Variants in ZC3H18 observed in about 807,000 individuals in gnomAD.
ZC3H18 encodes zinc finger CCCH-type containing 18, also known as zinc finger CCCH domain-containing protein 18.
ZC3H18 carries 8 observed loss-of-function variants against 106.1 expected under a neutral mutation model. The observed-to-expected ratio is 0.08, with a 90% CI of 0.04 to 0.14. The LOEUF (loss-of-function observed/expected upper bound fraction) is 0.14, where lower values mean the gene tolerates loss of function less well. ZC3H18 is among the 10% of genes least tolerant of loss of function. The pLI, the probability that ZC3H18 is intolerant of heterozygous loss-of-function variation, is 1.00. For synonymous variants in ZC3H18, 635 were observed against 522.1 expected, an observed-to-expected ratio of 1.22 and a Z score of -2.95; for missense variants, 1,318 against 1,278.4, an observed-to-expected ratio of 1.03 and a Z score of -0.47.
At chr16:88,609,594 G>A (rs902202125) in intron 7 of ZC3H18, among the ~76,000 whole-genome samples, 2 of 151,774 alleles carry the variant, frequency 1.3e-5, no homozygotes, top group Admixed American at 6.6e-5. Flanking sequence ...GAGCCACTGC[G>A]CCCGGCCTGG....
chr16:88,587,672 C>G (rs760554725), intron 3 of ZC3H18: 48 of 1,436,760 alleles, frequency 3.3e-5, no homozygotes, highest in Middle Eastern at 3.4e-4. Flanking sequence ...ACTCCAGAGG[C>G]CAGACTTCCT....
intron 8 of ZC3H18, among the ~76,000 whole-genome samples, chr16:88,616,076 ACT>A (rs1905583108): frequency 6.6e-6 from 1 of 152,034 alleles, no homozygotes; most frequent in South Asian, 2.1e-4. Context: ...GGAGAGGGTA[ACT>A]CTGCCAGCAT....
At chr16:88,619,868 A>G (rs1905853861) in intron 8 of ZC3H18, among the ~76,000 whole-genome samples, 2 of 152,182 alleles carry the variant, frequency 1.3e-5, no homozygotes, top group African/African-American at 4.8e-5. Flanking sequence ...TTGGGGTGTT[A>G]GGATGAGAGT....
chr16:88,613,711 T>C (rs1388662485), intron 8 of ZC3H18, among the ~76,000 whole-genome samples: 1 of 152,262 alleles, frequency 6.6e-6, no homozygotes, highest in East Asian at 1.9e-4. Context: ...AAGAGTCCTT[T>C]ATGTATTCCA....
chr16:88,624,553 G>T, intron 11 of ZC3H18, 49 bp from the exon 12 acceptor site: 3 of 1,612,038 alleles, frequency 1.9e-6, no homozygotes, highest in Non-Finnish European at 2.5e-6. Context: ...GTAGGCCAGC[G>T]GGGCCCCGTC....
rs969901378 is a variant in ZC3H18 at position 88,586,821 on chromosome 16, G to A, written c.688+137G>A. On this transcript the variant is annotated intron_variant, in intron 3 of 17. Transcript: ENST00000301011. ...CATTACTGGCTAGGTGGTGGTGGTG[G>A]TGGTGGTGGTGGTGGTGGCAATATT... The A allele has an allele frequency of 2.2e-5, 14 of 633,522 alleles. No individual in the cohort carries two copies. In the African/African-American group the frequency reaches 2.6e-4, roughly 12 times the overall value. The allele number at this position is 633,522 out of a possible 1,614,324, so 39.2% of individuals were successfully genotyped here.
At chr16:88,610,311 G>T (rs1010507036) in intron 7 of ZC3H18, among the ~76,000 whole-genome samples, 3 of 152,210 alleles carry the variant, frequency 2.0e-5, no homozygotes, top group African/African-American at 7.2e-5. Flanking sequence ...TTGAGGACCA[G>T]GTGCGGCTGT....
At chr16:88,578,097 A>G (rs1366416414) in intron 2 of ZC3H18, among the ~76,000 whole-genome samples, 1 of 152,178 alleles carries the variant, frequency 6.6e-6, no homozygotes, top group East Asian at 1.9e-4. Flanking sequence ...TTAACACTCA[A>G]CCAGAAACCA....
At chr16:88,590,966 G>A (rs1470883728) in intron 3 of ZC3H18, among the ~76,000 whole-genome samples, 2 of 128,872 alleles carry the variant, frequency 1.6e-5, no homozygotes, top group African/African-American at 3.0e-5. Flanking sequence ...AATTGTGGTG[G>A]AATACTTTTT....
intron 7 of ZC3H18, 113 bp downstream of exon 7, chr16:88,609,164 C>A: frequency 1.3e-6 from 1 of 755,190 alleles, no homozygotes; most frequent in Non-Finnish European, 2.0e-6. Flanking sequence ...AGAGCCAGCA[C>A]AATGTACCAA....
intron 3 of ZC3H18, among the ~76,000 whole-genome samples, chr16:88,591,337 C>T (rs1915740301): frequency 6.6e-6 from 1 of 152,022 alleles, no homozygotes; most frequent in Non-Finnish European, 1.5e-5. Context: ...CTTTGGGAGG[C>T]CGAGGTGGGT....
At position 88,624,048 on chromosome 16, in the gene ZC3H18, G is replaced by T. The variant is rs749050122; in HGVS notation, c.1884G>T (p.Pro628=). Residue 628 remains proline, a synonymous_variant, in exon 11 of 18, where the codon CCG becomes CCT. Transcript: ENST00000301011. ...SIRTKGEPAP[P]PGKAGEKSVK... is the part of the protein sequence containing the mutation. Reference sequence around the variant, plus strand: ...GAACCAAGGGAGAGCCGGCCCCGCCGCCCGGGAAAGCAGGGTGAGTGCCCA... The same window carrying T: ...GAACCAAGGGAGAGCCGGCCCCGCCTCCCGGGAAAGCAGGGTGAGTGCCCA... 13 of 1,596,948 alleles carry T rather than the reference G, an allele frequency of 8.1e-6. No homozygotes were observed. Among genetic ancestry groups the T allele is most frequent in the Non-Finnish European group, 1.1e-5 (13 of 1,171,132 alleles).
intron 6 of ZC3H18, 22 bp from the exon 7 acceptor site, chr16:88,608,912 C>A (rs1905140908): frequency 6.3e-7 from 1 of 1,595,792 alleles, no homozygotes; most frequent in African/African-American, 1.3e-5. Context: ...GATGAGAGTT[C>A]TTTTTCATTG....
chr16:88,592,790 C>G (rs1323853554), intron 3 of ZC3H18, among the ~76,000 whole-genome samples: 1 of 152,214 alleles, frequency 6.6e-6, no homozygotes, highest in African/African-American at 2.4e-5. Context: ...ATTCACCATG[C>G]ACTGGCATTT....
intron 2 of ZC3H18, among the ~76,000 whole-genome samples, chr16:88,580,725 C>T (rs180986769): frequency 5.3e-5 from 8 of 152,266 alleles, no homozygotes; most frequent in East Asian, 1.9e-4. Context: ...CCCTGGGGTG[C>T]GCCGGGTCCG....
intron 3 of ZC3H18, among the ~76,000 whole-genome samples, chr16:88,593,774 C>G (rs1415021414): frequency 6.6e-6 from 1 of 152,224 alleles, no homozygotes; most frequent in Non-Finnish European, 1.5e-5. Flanking sequence ...AGGAGAACAA[C>G]GGACAGTGTT....
At chr16:88,622,446 C>G (rs1345491467) in intron 9 of ZC3H18, 58 bp downstream of exon 9, 28 of 1,504,352 alleles carry the variant, frequency 1.9e-5, no homozygotes, top group Non-Finnish European at 2.4e-5. Context: ...TCAGCTGACA[C>G]CATGTACCTC....
At chr16:88,630,728 T>C in intron 17 of ZC3H18, 147 bp downstream of exon 17, 2 of 570,036 alleles carry the variant, frequency 3.5e-6, no homozygotes, top group South Asian at 2.1e-5. Flanking sequence ...GTGAGGGGCA[T>C]GGACAGCGAA....
intron 8 of ZC3H18, 36 bp downstream of exon 8, chr16:88,611,572 G>A (rs944634406): frequency 1.2e-5 from 19 of 1,543,418 alleles, no homozygotes; most frequent in Non-Finnish European, 1.6e-5. Flanking sequence ...GGGTGTGGGG[G>A]AGGTCCGGCA....
Sources: allele counts gnomAD v4.1 joint callset (sites outside exome capture counted in the v4.1 genomes callset), GRCh38; gene constraint gnomAD v4.1.1; transcripts MANE v1.5; gene names NCBI Gene and HGNC (gene_info 2026-07-23, HGNC 2026-07-21).